CSNK1G3: variants seen among roughly 807,000 people sequenced by gnomAD.
The protein encoded by CSNK1G3 is casein kinase 1 gamma 3.
CSNK1G3 carries 23 observed loss-of-function variants against 64.3 expected under a neutral mutation model. The ratio of observed to expected loss-of-function variants is 0.36; its 90% CI spans 0.26 to 0.51. The LOEUF (loss-of-function observed/expected upper bound fraction) is 0.51, where lower values mean the gene tolerates loss of function less well. Among genes scored for constraint, CSNK1G3 ranks in the 20% least tolerant of loss-of-function variants. CSNK1G3 has a pLI of 0.96. For missense variants in CSNK1G3, 357 were observed against 510.5 expected (o/e 0.70, Z 2.90); for synonymous variants, 158 against 162.2 (o/e 0.97, Z 0.20).
At chr5:123,586,822 C>T (rs181268863) in intron 6 of CSNK1G3, among the ~76,000 whole-genome samples, 36 of 152,222 alleles carry the variant, frequency 2.4e-4, no homozygotes, top group African/African-American at 8.7e-4. Context: ...TGAGACTGGG[C>T]AATTTACAAA....
intron 6 of CSNK1G3, among the ~76,000 whole-genome samples, chr5:123,579,519 C>T (rs1175069378): frequency 2.0e-5 from 3 of 151,750 alleles, no homozygotes; most frequent in South Asian, 2.1e-4. Context: ...TTTCATTTTA[C>T]GGGAGTTGTT....
chr5:123,596,076 G>C lies in CSNK1G3; in HGVS notation c.1086+4662G>C, dbSNP rs569848944. 5.3e-5 allele frequency among the ~76,000 whole-genome samples: 8 copies of C among 151,440 alleles called. 1 individual carries two copies. In the East Asian group the frequency reaches 1.5e-3, roughly 29 times the overall value. ...TTTAATCAACTGATTCTGTACTCTG[G>C]GTGCTATTCTTTCTTGATTTGAGTT... On this transcript the variant is annotated intron_variant, in intron 10 of 12. Transcript: ENST00000345990.
At chr5:123,553,029 T>C (rs1783988317) in intron 2 of CSNK1G3, 78 bp from the exon 3 acceptor site, 5 of 787,892 alleles carry the variant, frequency 6.3e-6, no homozygotes, top group Non-Finnish European at 9.9e-6. Context: ...TTATGTGCTT[T>C]TTTTCAGAGT....
intron 1 of CSNK1G3, among the ~76,000 whole-genome samples, chr5:123,517,465 G>A (rs1210048531): frequency 6.6e-6 from 1 of 151,900 alleles, no homozygotes; most frequent in East Asian, 1.9e-4. Flanking sequence ...AATCAAGTGA[G>A]TAGCCAAAAT....
chr5:123,607,562 A>G (rs1027798770), intron 12 of CSNK1G3, among the ~76,000 whole-genome samples: 1 of 152,214 alleles, frequency 6.6e-6, no homozygotes, highest in African/African-American at 2.4e-5. Context: ...ATACATAGAC[A>G]TCAAAAGATT....
chr5:123,569,066 A>G (rs1374461334), intron 4 of CSNK1G3, among the ~76,000 whole-genome samples: 1 of 152,244 alleles, frequency 6.6e-6, no homozygotes, highest in Non-Finnish European at 1.5e-5. Context: ...TAATTAGCTT[A>G]GAGTTGGTGG....
intron 1 of CSNK1G3, among the ~76,000 whole-genome samples, chr5:123,527,586 CAAAT>C (rs1779296722): frequency 6.6e-6 from 1 of 152,170 alleles, no homozygotes; most frequent in African/African-American, 2.4e-5. Context: ...TCATTACTCT[CAAAT>C]AAGCCTTTTA....
chr5:123,611,346 TTATAA>T (rs1796300987), intron 12 of CSNK1G3, among the ~76,000 whole-genome samples: 1 of 152,238 alleles, frequency 6.6e-6, no homozygotes, highest in Admixed American at 6.5e-5. Context: ...TTGCAAATCT[TTATAA>T]GGACGTTCTT....
chr5:123,613,354 C>T (rs185635367), intron 12 of CSNK1G3, among the ~76,000 whole-genome samples: 283 of 151,926 alleles, frequency 1.9e-3, no homozygotes, highest in African/African-American at 6.7e-3. Context: ...AAACATTCCT[C>T]CTGCCTCAGC....
At chr5:123,532,910 T>G (rs1289676326) in intron 1 of CSNK1G3, among the ~76,000 whole-genome samples, 1 of 151,896 alleles carries the variant, frequency 6.6e-6, no homozygotes, top group Non-Finnish European at 1.5e-5. Context: ...TTTAGTTATT[T>G]TAGTTTTAAA....
chr5:123,591,985 C>T (rs1375065398), intron 10 of CSNK1G3, among the ~76,000 whole-genome samples: 2 of 152,018 alleles, frequency 1.3e-5, no homozygotes, highest in African/African-American at 2.4e-5. Flanking sequence ...TTAGAGCATA[C>T]AGTAAGCTTT....
chr5:123,584,395 T>C (rs1790922241), intron 6 of CSNK1G3, among the ~76,000 whole-genome samples: 1 of 152,232 alleles, frequency 6.6e-6, no homozygotes, highest in Non-Finnish European at 1.5e-5. Flanking sequence ...TCAAGTACTT[T>C]TTCTGTATCT....
chr5:123,588,674 T>A (rs188070001), intron 8 of CSNK1G3, among the ~76,000 whole-genome samples, 163 bp downstream of exon 8: 1 of 152,306 alleles, frequency 6.6e-6, no homozygotes, highest in African/African-American at 2.4e-5. Context: ...AGGGACACTT[T>A]GTGTATTTGC....
At chr5:123,564,038 A>G (rs1275789670) in intron 4 of CSNK1G3, among the ~76,000 whole-genome samples, 1 of 152,008 alleles carries the variant, frequency 6.6e-6, no homozygotes, top group African/African-American at 2.4e-5. Flanking sequence ...TAATTCTTTA[A>G]AGTTAGAGAT....
chr5:123,588,134 T>C, exon 7 of CSNK1G3: 1 of 1,604,394 alleles, frequency 6.2e-7, no homozygotes, highest in Non-Finnish European at 8.5e-7. Context: ...AGAGGCAGTC[T>C]TCCTTGGCAA....
intron 4 of CSNK1G3, among the ~76,000 whole-genome samples, chr5:123,566,819 T>C (rs1489988089): frequency 6.6e-6 from 1 of 152,162 alleles, no homozygotes; most frequent in Non-Finnish European, 1.5e-5. Context: ...TAGCATATGT[T>C]CGTAATAAAA....
chr5:123,599,739 A>G (rs1794108952), intron 10 of CSNK1G3, among the ~76,000 whole-genome samples: 1 of 152,130 alleles, frequency 6.6e-6, no homozygotes, highest in East Asian at 1.9e-4. Context: ...GAAATCTGCA[A>G]AAGAGAGATT....
chr5:123,591,376 C>A lies in CSNK1G3; in HGVS notation c.1048C>A (p.His350Asn), dbSNP rs1210285648. ...TGCTCTGTCATCAAACAGAGAAGCA[C>A]ATCAACACAGAGATAAGATGCAACA... The change falls in exon 10 of 13, where the codon CAT becomes AAT. Residue 350 changes from histidine to asparagine, a missense_variant. Coordinates refer to ENST00000345990, the Ensembl canonical transcript of CSNK1G3. 4.3e-6 allele frequency: 7 copies of A among 1,610,318 alleles called. No homozygotes were observed. The South Asian group carries it at 6.6e-5, about 15-fold the overall frequency.
chr5:123,594,863 C>G (rs1291913877), intron 10 of CSNK1G3, among the ~76,000 whole-genome samples, 176 bp from the exon 11 acceptor site: 1 of 152,096 alleles, frequency 6.6e-6, no homozygotes, highest in Non-Finnish European at 1.5e-5. Flanking sequence ...AATTTGGCAA[C>G]TTAATTAAAA....
Sources: allele counts gnomAD v4.1 joint callset (sites outside exome capture counted in the v4.1 genomes callset), GRCh38; gene constraint gnomAD v4.1.1; transcripts MANE v1.5; gene names NCBI Gene and HGNC (gene_info 2026-07-23, HGNC 2026-07-21).